Variants in DLC1 observed in about 807,000 individuals in gnomAD.
The protein encoded by DLC1 is DLC1 Rho GTPase activating protein, also known as rho GTPase-activating protein 7.
DLC1 carries 54 observed loss-of-function variants against 140.3 expected under a neutral mutation model. That is an observed-to-expected ratio of 0.38 (90% CI 0.31 to 0.48). DLC1 has a LOEUF of 0.48. Among genes scored for constraint, DLC1 ranks in the 20% least tolerant of loss-of-function variants. The pLI is 0.96. For missense variants in DLC1, 2,536 were observed against 1,907.0 expected (o/e 1.33, Z -6.14); for synonymous variants, 986 against 728.1 (o/e 1.35, Z -5.70).
intron 1 of DLC1, among the ~76,000 whole-genome samples, chr8:13,505,705 T>C (rs1802027584): frequency 1.3e-5 from 2 of 152,180 alleles, no homozygotes; most frequent in Non-Finnish European, 1.5e-5. Context: ...ATTTATCTTA[T>C]GTCACCAATG....
At chr8:13,583,393 ACT>A (rs1382809831) in intron 1 of DLC1, among the ~76,000 whole-genome samples, 13 of 152,202 alleles carry the variant, frequency 8.5e-5, no homozygotes, top group Non-Finnish European at 1.5e-4. Context: ...ATAAGAAGCA[ACT>A]CTCTGTTGGT....
At chr8:13,136,881 A>G (rs1441960517) in intron 5 of DLC1, among the ~76,000 whole-genome samples, 1 of 152,134 alleles carries the variant, frequency 6.6e-6, no homozygotes, top group Non-Finnish European at 1.5e-5. Flanking sequence ...TATGTTATTT[A>G]GCTTCTCAAA....
chr8:13,572,989 G>T (rs553937565), intron 1 of DLC1, among the ~76,000 whole-genome samples: 10 of 151,974 alleles, frequency 6.6e-5, no homozygotes, highest in Non-Finnish European at 1.3e-4. Context: ...TTTAGGATAG[G>T]TTTTTCTATT....
At chr8:13,396,185 G>C (rs1261439601) in intron 3 of DLC1, among the ~76,000 whole-genome samples, 1 of 150,144 alleles carries the variant, frequency 6.7e-6, no homozygotes, top group African/African-American at 2.4e-5. Context: ...TCGGCCTCCC[G>C]AGTAGCTGGG....
At chr8:13,201,385 C>T (rs535970615) in intron 5 of DLC1, among the ~76,000 whole-genome samples, 1 of 151,966 alleles carries the variant, frequency 6.6e-6, no homozygotes, top group East Asian at 1.9e-4. Flanking sequence ...GAGTGTAAAA[C>T]CTACATTAAA....
intron 7 of DLC1, among the ~76,000 whole-genome samples, chr8:13,108,409 G>T (rs1457621381): frequency 1.3e-5 from 2 of 152,222 alleles, no homozygotes; most frequent in Non-Finnish European, 2.9e-5. Flanking sequence ...ATATGTGGCA[G>T]AGTCTGCTTC....
intron 4 of DLC1, among the ~76,000 whole-genome samples, chr8:13,389,805 G>A (rs1046277236): frequency 1.3e-5 from 2 of 152,140 alleles, no homozygotes; most frequent in African/African-American, 4.8e-5. Flanking sequence ...AGATTTCATA[G>A]CAGCAAATCA....
intron 2 of DLC1, among the ~76,000 whole-genome samples, chr8:13,468,361 C>CCCCT (rs1800046597): frequency 7.7e-6 from 1 of 129,778 alleles, no homozygotes; most frequent in Non-Finnish European, 1.6e-5. Flanking sequence ...CCCCTCCCCT[C>CCCCT]CCCTCCCCTC....
intron 4 of DLC1, among the ~76,000 whole-genome samples, chr8:13,375,173 G>A (rs1344942281): frequency 1.3e-5 from 2 of 151,546 alleles, no homozygotes; most frequent in Admixed American, 6.6e-5. Context: ...GACTACAGGC[G>A]CCCGCCACTA....
intron 1 of DLC1, among the ~76,000 whole-genome samples, chr8:13,603,339 A>G (rs1398743623): frequency 6.6e-6 from 1 of 151,908 alleles, no homozygotes; most frequent in Non-Finnish European, 1.5e-5. Flanking sequence ...GGTAATTCTT[A>G]CACACAATTC....
intron 3 of DLC1, 103 bp from the exon 4 acceptor site, chr8:13,393,796 C>A: frequency 7.6e-7 from 1 of 1,323,526 alleles, no homozygotes; most frequent in Non-Finnish European, 1.0e-6. Context: ...TCCCAGTGCA[C>A]ACTGATACAC....
In DLC1 at chr8:13,313,045, T is replaced by C. The variant is rs142215707; in HGVS notation, c.1315-7743A>G. ...CATTTTGTCCATGAAGTCTGAATAG[T>C]AGCTTTTTGCTGGTGTGAAATGCTC... On this transcript the variant is annotated intron_variant, in intron 4 of 17. Transcript: ENST00000276297. Among the ~76,000 whole-genome samples the C allele has an allele frequency of 3.3e-3, 500 of 152,316 alleles. 7 individuals carry two copies. The highest frequency in any genetic ancestry group is 0.012 in the African/African-American group (488 of 41,564).
At chr8:13,123,442 G>A (rs1821275448) in intron 5 of DLC1, among the ~76,000 whole-genome samples, 3 of 151,626 alleles carry the variant, frequency 2.0e-5, no homozygotes, top group African/African-American at 7.3e-5. Flanking sequence ...CCAGGTTCAA[G>A]CGATTCTCCT....
At chr8:13,225,383 G>A (rs768159654) in intron 5 of DLC1, among the ~76,000 whole-genome samples, 1 of 152,032 alleles carries the variant, frequency 6.6e-6, no homozygotes, top group Non-Finnish European at 1.5e-5. Flanking sequence ...GTGAACAACC[G>A]GTTGGCACCT....
intron 5 of DLC1, among the ~76,000 whole-genome samples, chr8:13,179,279 G>A (rs191781717): frequency 1.3e-5 from 2 of 152,040 alleles, no homozygotes; most frequent in East Asian, 3.9e-4. Flanking sequence ...GGTGGGGGGT[G>A]GGGCAGGAAG....
chr8:13,414,476 T>C (rs1266273178), intron 2 of DLC1, among the ~76,000 whole-genome samples: 3 of 152,332 alleles, frequency 2.0e-5, no homozygotes, highest in East Asian at 1.9e-4. Context: ...GTTCTTCCTA[T>C]GACTCATCGG....
At chr8:13,106,724 T>G (rs984693344) in intron 7 of DLC1, among the ~76,000 whole-genome samples, 3 of 152,262 alleles carry the variant, frequency 2.0e-5, no homozygotes, top group African/African-American at 7.2e-5. Flanking sequence ...AGGCATCTGA[T>G]GGACTGCTTT....
At chr8:13,181,751 G>T (rs1284267904) in intron 5 of DLC1, among the ~76,000 whole-genome samples, 1 of 152,094 alleles carries the variant, frequency 6.6e-6, no homozygotes, top group African/African-American at 2.4e-5. Context: ...GGACATTTGG[G>T]TTGGTTCCAA....
chr8:13,561,423 C>T (rs1010053657), intron 1 of DLC1, among the ~76,000 whole-genome samples: 1 of 152,140 alleles, frequency 6.6e-6, no homozygotes, highest in Non-Finnish European at 1.5e-5. Context: ...TAAAGATCCT[C>T]CTGCTTCATC....
Sources: allele counts gnomAD v4.1 joint callset (sites outside exome capture counted in the v4.1 genomes callset), GRCh38; gene constraint gnomAD v4.1.1; transcripts MANE v1.5; gene names NCBI Gene and HGNC (gene_info 2026-07-23, HGNC 2026-07-21).